Variants in PTPRD observed in about 807,000 individuals in gnomAD.
PTPRD encodes the protein receptor-type tyrosine-protein phosphatase delta.
Under a neutral mutation model 214.5 loss-of-function variants are expected in PTPRD, and 34 were observed. That is an observed-to-expected ratio of 0.16 (90% confidence interval 0.12 to 0.21). The LOEUF (loss-of-function observed/expected upper bound fraction) is 0.21, where lower values mean the gene tolerates loss of function less well. Among genes scored for constraint, PTPRD ranks in the 10% least tolerant of loss-of-function variants. The pLI, the probability that PTPRD is intolerant of heterozygous loss-of-function variation, is 1.00. For missense variants in PTPRD, 2,545 were observed against 2,398.7 expected (o/e 1.06, Z -1.27); for synonymous variants, 1,128 against 845.7 (o/e 1.33, Z -5.79).
chr9:8,717,505 C>T (rs2098449642), intron 12 of PTPRD, among the ~76,000 whole-genome samples: 1 of 152,154 alleles, frequency 6.6e-6, no homozygotes, highest in Non-Finnish European at 1.5e-5. Context: ...ACTGGTCTTC[C>T]ACCCTCCAAC....
Position 8,317,900 on chromosome 9 carries a change from C to T in PTPRD, c.5713G>A (p.Gly1905Ser), listed in dbSNP as rs1563853356. 1.2e-6 allele frequency: 2 copies of T among 1,612,112 alleles called. No homozygotes were observed. The highest frequency in any genetic ancestry group is 2.2e-5 in the East Asian group (1 of 44,808). The change falls in exon 46 of 46, where the codon GGC becomes AGC. Residue 1905 changes from glycine (G) to serine (S), a missense_variant. Gly to Ser is a moderately conservative substitution (Grantham distance 56). Coordinates refer to ENST00000381196, the MANE Select transcript of PTPRD (RefSeq NM_002839.4). The part of the protein sequence containing the change: ...FSYRAALEYL[G>S]SFDHYAT ...TACGTTGCATAGTGGTCAAAGCTGC[C>T]CAGGTACTCTAGTGCGGCACGATAG...
intron 10 of PTPRD, chr9:9,090,823 G>C (rs539602678): frequency 5.6e-5 from 41 of 735,300 alleles, no homozygotes; most frequent in African/African-American, 4.5e-4. Context: ...ACATCTCAAT[G>C]ATATCTTATT....
chr9:8,672,849 G>C (rs896960418), intron 12 of PTPRD, among the ~76,000 whole-genome samples: 2 of 143,658 alleles, frequency 1.4e-5, no homozygotes, highest in East Asian at 2.3e-4. Flanking sequence ...CTCTGTGTGG[G>C]GGGGGTGGGT....
chr9:8,618,428 T>C (rs1300621143), intron 14 of PTPRD, among the ~76,000 whole-genome samples: 5 of 152,078 alleles, frequency 3.3e-5, no homozygotes, highest in Non-Finnish European at 7.4e-5. Flanking sequence ...TTCATTTTCA[T>C]GAAAACATAT....
chr9:9,895,309 G>C (rs763442222), intron 5 of PTPRD, among the ~76,000 whole-genome samples: 1 of 149,282 alleles, frequency 6.7e-6, no homozygotes, highest in Non-Finnish European at 1.5e-5. Context: ...GGTAACAGTG[G>C]GAAGGGGGAA....
intron 4 of PTPRD, among the ~76,000 whole-genome samples, chr9:10,002,348 T>TATA (rs2096345094): frequency 9.8e-5 from 11 of 112,328 alleles, no homozygotes; most frequent in Admixed American, 7.0e-4. Flanking sequence ...ATATATATAT[T>TATA]TATATAAAGA....
intron 9 of PTPRD, among the ~76,000 whole-genome samples, chr9:9,266,849 A>G (rs1250067289): frequency 6.6e-6 from 1 of 150,380 alleles, no homozygotes; most frequent in Non-Finnish European, 1.5e-5. Flanking sequence ...GCCTAAATGG[A>G]GAAAAAAAAA....
intron 8 of PTPRD, among the ~76,000 whole-genome samples, chr9:9,505,002 T>C (rs2096537012): frequency 3.3e-5 from 5 of 151,672 alleles, no homozygotes; most frequent in Non-Finnish European, 1.5e-5. Context: ...GCTCAACAAC[T>C]ACTTAGACTA....
intron 11 of PTPRD, among the ~76,000 whole-genome samples, chr9:8,847,585 G>C (rs1346278621): frequency 2.0e-5 from 3 of 152,098 alleles, no homozygotes; most frequent in East Asian, 3.9e-4. Context: ...TATGTATCAT[G>C]TCTGATTTAA....
In PTPRD at chr9:8,340,439, C is replaced by A. The variant is rs1230901253; in HGVS notation, c.5157G>T (p.Gly1719=). 3 of 1,605,424 alleles carry A rather than the reference C, an allele frequency of 1.9e-6. No homozygotes were observed. The highest frequency in any genetic ancestry group is 4.5e-5 in the East Asian group (2 of 44,806). The change falls in exon 42 of 46, where the codon GGG becomes GGT. Residue 1719 remains glycine (G), a synonymous_variant. Transcript: ENST00000381196. ...RQQKAYIATQ[G]PLAETTEDFW... The stretch of plus-strand genomic sequence containing the variant: ...AGTCTTCAGTGGTCTCTGCCAAGGG[C>A]CCCTGGGTAGCGATGTAGGCTTTCT...
chr9:10,036,141 AG>A (rs1253793830), intron 3 of PTPRD, among the ~76,000 whole-genome samples: 1 of 152,194 alleles, frequency 6.6e-6, no homozygotes, highest in Non-Finnish European at 1.5e-5. Context: ...GGTATTTCAA[AG>A]AAAGATACAA....
rs1440720846 is a variant in PTPRD, at chr9:8,315,655, TTTTTC to T, written c.*2214_*2218del. On this transcript the variant is annotated 3_prime_UTR_variant, in exon 46 of 46. Coordinates refer to ENST00000381196, the MANE Select transcript of PTPRD (RefSeq NM_002839.4). ...TATTATATATATTTTCTTTTTTTTC[TTTTTC>T]TTTGTTTTTTACAAAAGTGCTCAAA... The T allele has an allele frequency of 4.4e-6, 1 of 227,586 alleles. No homozygotes were observed. The highest frequency in any genetic ancestry group is 8.7e-6 in the Non-Finnish European group (1 of 114,310). The allele number at this position is 227,586 out of a possible 1,614,324, so 14.1% of individuals were successfully genotyped here.
intron 4 of PTPRD, among the ~76,000 whole-genome samples, chr9:9,943,367 T>G (rs10514816): frequency 0.056 from 8,460 of 152,192 alleles, 777 homozygotes; most frequent in African/African-American, 0.19. Context: ...TCTCTGGAAT[T>G]TTTAGTATTC....
At chr9:10,579,377 T>C (rs111261980) in intron 2 of PTPRD, among the ~76,000 whole-genome samples, 1 of 152,340 alleles carries the variant, frequency 6.6e-6, no homozygotes, top group African/African-American at 2.4e-5. Flanking sequence ...TTTGGTTTCC[T>C]GTTCCTGTGT....
chr9:9,208,546 T>C (rs1201040064), intron 9 of PTPRD, among the ~76,000 whole-genome samples: 1 of 152,100 alleles, frequency 6.6e-6, no homozygotes. Flanking sequence ...AATATTTACA[T>C]ATTTATCAAA....
intron 21 of PTPRD, among the ~76,000 whole-genome samples, chr9:8,508,371 A>G (rs190402640): frequency 6.6e-6 from 1 of 152,300 alleles, no homozygotes; most frequent in Non-Finnish European, 1.5e-5. Flanking sequence ...TATCCATTAT[A>G]CACAAGGCTG....
At chr9:9,339,321 A>T (rs1045589850) in intron 9 of PTPRD, among the ~76,000 whole-genome samples, 109 of 86,264 alleles carry the variant, frequency 1.3e-3, no homozygotes, top group African/African-American at 6.5e-3. Context: ...ACTAAAAATT[A>T]AAAAAAAAAA....
chr9:9,037,345 G>C (rs545098500), intron 10 of PTPRD, among the ~76,000 whole-genome samples: 1 of 152,184 alleles, frequency 6.6e-6, no homozygotes, highest in Non-Finnish European at 1.5e-5. Context: ...TCTGAGGAAG[G>C]ACTAAAATAG....
At chr9:9,014,879 G>C (rs1379311716) in intron 11 of PTPRD, among the ~76,000 whole-genome samples, 2 of 151,900 alleles carry the variant, frequency 1.3e-5, no homozygotes, top group Non-Finnish European at 2.9e-5. Context: ...TCTAAATATA[G>C]AATACAATAT....
Sources: gnomAD v4.1 joint callset for allele counts (sites outside exome capture counted in the v4.1 genomes callset) on GRCh38, gnomAD v4.1.1 for gene constraint, MANE v1.5 for transcripts, NCBI Gene and HGNC (gene_info 2026-07-23, HGNC 2026-07-21) for gene names.